The following RIN3 variants were observed in gnomAD, a reference collection of about 807,000 sequenced individuals.
RIN3 encodes RAB5 interacting protein 3.
Under a neutral mutation model 76.3 loss-of-function variants are expected in RIN3, and 54 were observed. That is an observed-to-expected ratio of 0.71 (90% CI 0.57 to 0.89). The LOEUF (loss-of-function observed/expected upper bound fraction) is 0.89. RIN3 is among the 40% of genes least tolerant of loss of function. The pLI is 0.00. For synonymous variants in RIN3, 576 were observed against 564.0 expected, an observed-to-expected ratio of 1.02 and a Z score of -0.30; for missense variants, 1,256 against 1,322.1, an observed-to-expected ratio of 0.95 and a Z score of 0.78.
rs1017429627 is a variant in RIN3, at chr14:92,537,239, G to T, written c.45-18512G>T. On this transcript the variant is annotated intron_variant, in intron 1 of 9. Transcript: ENST00000216487. ...TCCTTAACCACTTAGTGACTGGGTT[G>T]TTTCATATGGTACTAATATTTCCTA... 5.9e-5 allele frequency among the ~76,000 whole-genome samples: 9 copies of T among 152,130 alleles called. No individual in the cohort carries two copies. In the East Asian group the frequency reaches 1.7e-3, roughly 29 times the overall value.
intron 3 of RIN3, among the ~76,000 whole-genome samples, chr14:92,583,845 G>C (rs1884660323): frequency 6.6e-6 from 1 of 152,162 alleles, no homozygotes; most frequent in South Asian, 2.1e-4. Context: ...TTCCACTTCA[G>C]ATCATCAGGC....
chr14:92,661,124 A>G (rs1240642020), intron 7 of RIN3, among the ~76,000 whole-genome samples: 1 of 152,246 alleles, frequency 6.6e-6, no homozygotes, highest in Admixed American at 6.5e-5. Flanking sequence ...AATGGTTCAG[A>G]AGCCATACTC....
intron 1 of RIN3, among the ~76,000 whole-genome samples, chr14:92,515,812 C>A (rs1457106675): frequency 6.6e-6 from 1 of 152,226 alleles, no homozygotes; most frequent in Non-Finnish European, 1.5e-5. Flanking sequence ...GTGCTTGGTA[C>A]ATTCTAGCAC....
chr14:92,557,690 C>T (rs1324428893), intron 2 of RIN3, among the ~76,000 whole-genome samples: 1 of 152,206 alleles, frequency 6.6e-6, no homozygotes, highest in East Asian at 1.9e-4. Flanking sequence ...AGTGTCCTGC[C>T]AAGACCAGGG....
intron 3 of RIN3, among the ~76,000 whole-genome samples, chr14:92,605,232 A>G (rs377084116): frequency 2.6e-5 from 4 of 152,146 alleles, no homozygotes; most frequent in African/African-American, 7.2e-5. Flanking sequence ...TTATTTCTAC[A>G]TACTATGAGC....
chr14:92,598,738 A>G (rs12433867), intron 3 of RIN3, among the ~76,000 whole-genome samples: 16,361 of 152,200 alleles, frequency 0.11, 1,242 homozygotes, highest in East Asian at 0.43. Flanking sequence ...TTGGGATGCA[A>G]GAATCACTCA....
intron 2 of RIN3, among the ~76,000 whole-genome samples, chr14:92,561,020 TAAAAAAAA>T (rs1324990452): frequency 4.2e-5 from 1 of 23,640 alleles, no homozygotes; most frequent in Non-Finnish European, 7.7e-5. Flanking sequence ...AAACTCTGTC[TAAAAAAAA>T]AAAAAAAAAA....
intron 3 of RIN3, among the ~76,000 whole-genome samples, chr14:92,584,013 C>T (rs112762143): frequency 2.7e-4 from 41 of 152,330 alleles, no homozygotes; most frequent in African/African-American, 5.8e-4. Flanking sequence ...CCCTGCTGTG[C>T]GCCCCGGTTC....
intron 8 of RIN3, among the ~76,000 whole-genome samples, chr14:92,683,011 C>CA (rs1888720790): frequency 6.6e-6 from 1 of 152,090 alleles, no homozygotes; most frequent in South Asian, 2.1e-4. Context: ...ACTAAAAATA[C>CA]AAAAAGTTAG....
At position 92,577,407 on chromosome 14, in the gene RIN3, T is replaced by C. The variant is rs771549650; in HGVS notation, c.297T>C (p.Cys99=). 1 of 1,613,976 alleles carries C rather than the reference T, an allele frequency of 6.2e-7. No individual in the cohort carries two copies. Among genetic ancestry groups the C allele is most frequent in the Non-Finnish European group, 8.5e-7 (1 of 1,179,916 alleles). The change falls in exon 3 of 10, where the codon TGT becomes TGC. Residue 99 remains cysteine, a synonymous_variant. Coordinates refer to ENST00000216487, the MANE Select transcript of RIN3 (RefSeq NM_024832.5). The part of the protein sequence containing the change: ...RDSSSKQLVL[C]VHFPSLNESS... ...GCAGCTCGAAGCAGCTGGTGCTCTG[T>C]GTCCACTTTCCTTCTCTGAACGAAA...
intron 8 of RIN3, 115 bp from the exon 9 acceptor site, chr14:92,684,872 C>T: frequency 9.0e-7 from 1 of 1,111,910 alleles, no homozygotes. Context: ...TGCAGATGTG[C>T]CTCAAGCAGA....
Position 92,653,006 on chromosome 14 carries a change from A to G in RIN3, c.1957A>G (p.Ser653Gly), listed in dbSNP as rs1164463647. The change falls in exon 6 of 10, where the codon AGC (serine) becomes GGC (glycine). Residue 653 changes from serine (S) to glycine (G), a missense_variant. Ser to Gly is a moderately conservative substitution (Grantham distance 56). This residue lies in a region of RIN3 where 428 missense variants were observed against 521.2 expected (regional missense o/e 0.82). Coordinates refer to ENST00000216487, the MANE Select transcript of RIN3 (RefSeq NM_024832.5). ...EIRTMMTQLK[S>G]YLLQSTELKA... ...TCGCACCATGATGACCCAGCTCAAG[A>G]GCTACCTGCTGCAGAGCACCGAGCT... 1 of 1,612,542 alleles carries G rather than the reference A, an allele frequency of 6.2e-7. No individual in the cohort carries two copies. Among genetic ancestry groups the G allele is most frequent in the African/African-American group, 1.3e-5 (1 of 75,028 alleles).
intron 5 of RIN3, among the ~76,000 whole-genome samples, chr14:92,649,179 C>T (rs1328744715): frequency 6.6e-6 from 1 of 152,194 alleles, no homozygotes; most frequent in Non-Finnish European, 1.5e-5. Flanking sequence ...CGGCTACAGC[C>T]GTGATCTGGG....
In RIN3 at chr14:92,514,231, T is replaced by G. The variant is rs2139983064; in HGVS notation, c.44+255T>G. On this transcript the variant is annotated intron_variant, in intron 1 of 9. Transcript: ENST00000216487. The surrounding 1 kb of genome is among the most constrained non-coding windows in gnomAD (Gnocchi z 7.2). ...TTTCACTGGGAACCCAGTGCACACT[T>G]TAGGCTGCTGGTGGACGGATTACGA... 6.6e-6 allele frequency among the ~76,000 whole-genome samples: 1 copy of G among 152,202 alleles called. No individual in the cohort carries two copies. The highest frequency in any genetic ancestry group is 2.4e-5 in the African/African-American group (1 of 41,512).
intron 4 of RIN3, among the ~76,000 whole-genome samples, chr14:92,632,603 A>G (rs1285592597): frequency 6.6e-6 from 1 of 152,180 alleles, no homozygotes; most frequent in African/African-American, 2.4e-5. Context: ...TTCTGAGCCA[A>G]TTGGAACCCA....
chr14:92,576,726 G>A (rs1237405499), intron 2 of RIN3, among the ~76,000 whole-genome samples: 1 of 152,190 alleles, frequency 6.6e-6, no homozygotes, highest in African/African-American at 2.4e-5. Flanking sequence ...CTGTAAGATG[G>A]GGATAATAAT....
intron 3 of RIN3, among the ~76,000 whole-genome samples, chr14:92,595,561 C>T (rs150287727): frequency 2.6e-5 from 4 of 152,254 alleles, no homozygotes; most frequent in Non-Finnish European, 4.4e-5. Flanking sequence ...AGTTCCTAGG[C>T]GGCCTCATCT....
intron 4 of RIN3, among the ~76,000 whole-genome samples, chr14:92,630,775 A>T (rs2140119834): frequency 6.6e-6 from 1 of 152,196 alleles, no homozygotes; most frequent in African/African-American, 2.4e-5. Context: ...CCCAGGCCTG[A>T]GTTTGTGAGT....
chr14:92,526,708 G>C (rs138678112), intron 1 of RIN3, among the ~76,000 whole-genome samples: 1 of 152,024 alleles, frequency 6.6e-6, no homozygotes, highest in Non-Finnish European at 1.5e-5. Context: ...AGCCAAGATC[G>C]TGCCACTGCA....
Sources: gnomAD v4.1 joint callset for allele counts (sites outside exome capture counted in the v4.1 genomes callset) on GRCh38, gnomAD v4.1.1 for gene constraint, gnomAD v4.1.1 regional missense constraint, Gnocchi (gnomAD v3.1) non-coding constraint, MANE v1.5 for transcripts, NCBI Gene and HGNC (gene_info 2026-07-23, HGNC 2026-07-21) for gene names.